Variants in MAMDC4 observed in about 807,000 individuals in gnomAD.
The protein encoded by MAMDC4 is apical endosomal glycoprotein.
A neutral mutation model predicts 153.3 loss-of-function variants in MAMDC4; 168 were observed. That is an observed-to-expected ratio of 1.10 (90% CI 0.97 to 1.25). The LOEUF (loss-of-function observed/expected upper bound fraction) is 1.25. Ranked by LOEUF, MAMDC4 falls within the 50% of genes most tolerant of loss-of-function variation. The pLI, the probability that MAMDC4 is intolerant of heterozygous loss-of-function variation, is 0.00. For missense variants in MAMDC4, 1,701 were observed against 1,542.8 expected (o/e 1.10, Z -1.72); for synonymous variants, 744 against 651.5 (o/e 1.14, Z -2.16).
chr9:136,852,590 C>G, intron 1 of MAMDC4, 128 bp downstream of exon 1: 1 of 1,217,302 alleles, frequency 8.2e-7, no homozygotes, highest in South Asian at 1.2e-5. Context: ...TTGCAAGGTA[C>G]TACCTTGGCC....
chr9:136,856,124 T>C lies in MAMDC4; in HGVS notation c.1695T>C (p.Ala565=), dbSNP rs985106328. The C allele has an allele frequency of 3.1e-6, 5 of 1,612,312 alleles. No individual in the cohort carries two copies. Among genetic ancestry groups the C allele is most frequent in the Non-Finnish European group, 4.2e-6 (5 of 1,179,760 alleles). Residue 565 remains alanine, a synonymous_variant, in exon 14 of 27, where the codon GCT becomes GCC. Transcript: ENST00000317446. ...PSGPSCELHL[A]YYLQSQPREV... is the part of the protein sequence containing the mutation. ...GCCCCAGCTGTGAACTCCACCTGGC[T>C]TATTATTTACAGAGCCAGCCCCGAG...
At position 136,855,023 on chromosome 9, in the gene MAMDC4, C is replaced by T. The variant is rs757538640; in HGVS notation, c.1110C>T (p.Ala370=). ...CTCTGGGGCCCGGCGCCCCCCGGGCCCCCGTCCTGCTGCGGAGGCGCCGAG... is the reference window on the plus strand; with the variant it reads ...CTCTGGGGCCCGGCGCCCCCCGGGCTCCCGTCCTGCTGCGGAGGCGCCGAG... ...LQTLGPGAPR[A]PVLLRRRRGE... The change falls in exon 10 of 27, where the codon GCC becomes GCT. Residue 370 remains alanine, a synonymous_variant. Coordinates refer to ENST00000317446, the MANE Select transcript of MAMDC4 (RefSeq NM_206920.3). The T allele has an allele frequency of 1.9e-6, 3 of 1,604,442 alleles. No homozygotes were observed. The highest frequency in any genetic ancestry group is 2.2e-5 in the South Asian group (2 of 90,454).
At chr9:136,857,631 G>A (rs769866906) in intron 18 of MAMDC4, 28 bp from the exon 19 acceptor site, 38 of 1,611,854 alleles carry the variant, frequency 2.4e-5, no homozygotes, top group African/African-American at 4.0e-5. Flanking sequence ...CTGGCCAGGG[G>A]CTGGCAGGCT....
Position 136,859,115 on chromosome 9 carries a change from A to T in MAMDC4, c.3067A>T (p.Ser1023Cys). ...GCTGGAGGCCCAGGTGGAGGTAGCC[A>T]GTGCCAAGGAGTTCCAGGTGAGGCT... ...QWLEAQVEVA[S>C]AKEFQIVFEA... is the part of the protein sequence containing the mutation. The change falls in exon 24 of 27, where the codon AGT becomes TGT. Residue 1023 changes from serine (S) to cysteine (C), a missense_variant. Physicochemically the swap from Ser to Cys is moderately radical, Grantham distance 112. Coordinates refer to ENST00000317446, the MANE Select transcript of MAMDC4 (RefSeq NM_206920.3). 1 of 1,554,666 alleles carries T rather than the reference A, an allele frequency of 6.4e-7. No homozygotes were observed. Among genetic ancestry groups the T allele is most frequent in the Non-Finnish European group, 8.7e-7 (1 of 1,149,582 alleles).
At position 136,853,878 on chromosome 9, in the gene MAMDC4, A is replaced by T; in HGVS notation, c.556A>T (p.Thr186Ser). 6.2e-7 allele frequency: 1 copy of T among 1,612,572 alleles called. No homozygotes were observed. The highest frequency in any genetic ancestry group is 8.5e-7 in the Non-Finnish European group (1 of 1,179,796). The change falls in exon 5 of 27, where the codon ACC becomes TCC. Residue 186 changes from threonine to serine, a missense_variant. By Grantham distance (58) the Thr-to-Ser change is moderately conservative. Coordinates refer to ENST00000317446, the MANE Select transcript of MAMDC4 (RefSeq NM_206920.3). ...CCCTGGCTGGCAGGAGTTGGCAGTG[A>T]CCACAGGCCGCATCCGGGGTGACTT... is the stretch of plus-strand genomic sequence containing the variant. ...WGPGWQELAV[T>S]TGRIRGDFRV...
chr9:136,858,570 G>A (rs1319270009), intron 22 of MAMDC4, 24 bp downstream of exon 22: 1 of 1,563,724 alleles, frequency 6.4e-7, no homozygotes, highest in South Asian at 1.2e-5. Flanking sequence ...GGAGCCAGGT[G>A]GGGAGGCACA....
At position 136,859,311 on chromosome 9, in the gene MAMDC4, A is replaced by G; in HGVS notation, c.3187A>G (p.Ser1063Gly). The G allele has an allele frequency of 1.2e-6, 2 of 1,609,788 alleles. No homozygotes were observed. The highest frequency in any genetic ancestry group is 8.5e-7 in the Non-Finnish European group (1 of 1,178,488). ...AGQHCQQPAP[S>G]PGNTAAPGSV... ...GCAGCATTGCCAGCAGCCTGCCCCCAGCCCGGGTGAGCCCTGGGCTGCAGT... is the reference window on the plus strand; with the variant it reads ...GCAGCATTGCCAGCAGCCTGCCCCCGGCCCGGGTGAGCCCTGGGCTGCAGT... The change falls in exon 25 of 27, where the codon AGC becomes GGC. Residue 1063 changes from serine (S) to glycine (G), a missense_variant. Transcript: ENST00000317446.
At position 136,858,172 on chromosome 9, in the gene MAMDC4, CCTGCA is replaced by C. The variant is rs756024770; in HGVS notation, c.2584-12_2584-8del. ...CCTGGACCCGCTGAGGCTGCCCTGC[CCTGCA>C]CCCGCCAGGTGGTGTTTGAGGCAGT... is the stretch of plus-strand genomic sequence containing the variant. On this transcript the variant is annotated splice_polypyrimidine_tract_variant and intron_variant, in intron 20 of 26. Coordinates refer to ENST00000317446, the MANE Select transcript of MAMDC4 (RefSeq NM_206920.3). 82 of 1,571,772 alleles carry C rather than the reference CCTGCA, an allele frequency of 5.2e-5. No homozygotes were observed. The East Asian group carries it at 1.4e-3, about 26-fold the overall frequency.
rs1039865846 is a variant in MAMDC4, at chr9:136,859,025, C to T, written c.2977C>T (p.Leu993=). 1 of 1,547,160 alleles carries T rather than the reference C, an allele frequency of 6.5e-7. No homozygotes were observed. Among genetic ancestry groups the T allele is most frequent in the African/African-American group, 1.4e-5 (1 of 73,676 alleles). The change falls in exon 24 of 27, where the codon CTG becomes TTG. Residue 993 remains leucine, a synonymous_variant. Transcript: ENST00000317446. ...CTCAGACAAGGGGGAGCTGAAGGTA[C>T]TGCTGCACAGTGCTCAGGGCCAGCT... ...EHFYKGELKV[L]LHSAQGQLAV...
Position 136,854,850 on chromosome 9 carries a change from G to A in MAMDC4, c.1023G>A (p.Ser341=), listed in dbSNP as rs144997410. The A allele has an allele frequency of 6.3e-5, 102 of 1,612,608 alleles. 1 individual carries two copies. Among genetic ancestry groups the A allele is most frequent in the East Asian group, 2.5e-4 (11 of 44,878 alleles). The change falls in exon 9 of 27, where the codon TCG becomes TCA. Residue 341 remains serine (S), a splice_region_variant and synonymous_variant. Coordinates refer to ENST00000317446, the MANE Select transcript of MAMDC4 (RefSeq NM_206920.3). ...AAGCCTCAGGCACCTCCAACTGCTC[G>A]GTGAGATGGGTGGGGCTCACAGGGC... ...EFQASGTSNC[S]LVFYQYLSGS... is the part of the protein sequence containing the mutation.
At chr9:136,853,730 TG>T (rs775032105) in intron 4 of MAMDC4, 46 bp from the exon 5 acceptor site, 2 of 1,605,574 alleles carry the variant, frequency 1.2e-6, no homozygotes, top group South Asian at 2.2e-5. Flanking sequence ...GGTGGGCAGC[TG>T]GGGACAAGCA....
rs762276881 is a variant in MAMDC4 at position 136,860,598 on chromosome 9, C to A, written c.3409C>A (p.Pro1137Thr). The A allele has an allele frequency of 1.9e-6, 3 of 1,613,174 alleles. No homozygotes were observed. Among genetic ancestry groups the A allele is most frequent in the Admixed American group, 1.7e-5 (1 of 59,994 alleles). Residue 1137 changes from proline (P) to threonine (T), a missense_variant, in exon 27 of 27, where the codon CCG becomes ACG. By Grantham distance (38) the Pro-to-Thr change is conservative. Coordinates refer to ENST00000317446, the MANE Select transcript of MAMDC4 (RefSeq NM_206920.3). ...CCTCCCGGCATCTGTCACCAGTGAT[C>A]CGTAGACCACCCCAGACAAGGCCCC... ...VTLPASVTSD[P>T]
At chr9:136,860,428 G>A in intron 26 of MAMDC4, 134 bp from the exon 27 acceptor site, 2 of 935,110 alleles carry the variant, frequency 2.1e-6, no homozygotes, top group Non-Finnish European at 3.2e-6. Flanking sequence ...GGCTGAGGCA[G>A]GAGAATCGCT....
At position 136,856,826 on chromosome 9, in the gene MAMDC4, G is replaced by T; in HGVS notation, c.1837G>T (p.Gly613Cys). Residue 613 changes from glycine (G) to cysteine (C), a missense_variant and splice_region_variant, in exon 15 of 27, where the codon GGC becomes TGC. Physicochemically the swap from Gly to Cys is radical, Grantham distance 159. Coordinates refer to ENST00000317446, the MANE Select transcript of MAMDC4 (RefSeq NM_206920.3). The part of the protein sequence containing the change: ...GPDHDHTTGQ[G>C]HFVLLDPTDP... ...TGACCACGACCACACCACAGGCCAAGGTAGGATGGGCGCTCAGACCGGGGG... is the reference window on the plus strand; with the variant it reads ...TGACCACGACCACACCACAGGCCAATGTAGGATGGGCGCTCAGACCGGGGG... 6.2e-7 allele frequency: 1 copy of T among 1,612,434 alleles called. No homozygotes were observed. The highest frequency in any genetic ancestry group is 1.7e-5 in the Admixed American group (1 of 59,932).
Position 136,858,073 on chromosome 9 carries a change from C to T in MAMDC4, c.2559C>T (p.Asp853=), listed in dbSNP as rs758013618. Residue 853 remains aspartate, a synonymous_variant, in exon 20 of 27, where the codon GAC becomes GAT. Coordinates refer to ENST00000317446, the MANE Select transcript of MAMDC4 (RefSeq NM_206920.3). ...TTGCCTGGCGCCTGGGCAGCATGGA[C>T]GTGCAGGCCGAGCGAGCCTGGAGGG... ...GGLAWRLGSM[D]VQAERAWRVV... is the part of the protein sequence containing the mutation. The T allele has an allele frequency of 1.4e-5, 22 of 1,531,270 alleles. No individual in the cohort carries two copies. Among genetic ancestry groups the T allele is most frequent in the South Asian group, 4.8e-5 (4 of 83,526 alleles). The allele number at this position is 1,531,270 out of a possible 1,614,324, so 94.9% of individuals were successfully genotyped here. A position where few individuals can be genotyped will look rare whatever the true frequency, so the allele number is the denominator to read the frequency against.
At position 136,853,579 on chromosome 9, in the gene MAMDC4, A is replaced by G. The variant is rs1848959133; in HGVS notation, c.363A>G (p.Lys121=). Residue 121 remains lysine, a synonymous_variant, in exon 4 of 27, where the codon AAA becomes AAG. Transcript: ENST00000317446. Reference sequence around the variant, plus strand: ...TGGCCGTTGGAACCCACCGAGGGAAAGAGGCATCCACCGCAGCCCTGCGCT... The same window carrying G: ...TGGCCGTTGGAACCCACCGAGGGAAGGAGGCATCCACCGCAGCCCTGCGCT... ...WYMAVGTHRG[K]EASTAALRSP... is the part of the protein sequence containing the mutation. 2 of 1,612,538 alleles carry G rather than the reference A, an allele frequency of 1.2e-6. No individual in the cohort carries two copies. The highest frequency in any genetic ancestry group is 4.5e-5 in the East Asian group (2 of 44,862).
Position 136,858,708 on chromosome 9 carries a change from CTT to C in MAMDC4, c.2822-10_2822-9del, listed in dbSNP as rs1320612109. The C allele has an allele frequency of 1.2e-6, 2 of 1,612,080 alleles. No individual in the cohort carries two copies. The highest frequency in any genetic ancestry group is 8.5e-7 in the Non-Finnish European group (1 of 1,179,726). On this transcript the variant is annotated splice_polypyrimidine_tract_variant and intron_variant, in intron 22 of 26. Transcript: ENST00000317446. ...CCCATCAGCTGGGCATCAGCCTCCT[CTT>C]GTTCCCAGGCCACTTTGCCTTCTTT...
At chr9:136,859,674 T>A in intron 25 of MAMDC4, 2 of 609,708 alleles carry the variant, frequency 3.3e-6, no homozygotes, top group Non-Finnish European at 5.7e-6. Flanking sequence ...GAATCTCGCC[T>A]GGGGCCATGA....
chr9:136,857,868 T>C (rs1588394199), intron 19 of MAMDC4, 72 bp downstream of exon 19: 2 of 1,539,688 alleles, frequency 1.3e-6, no homozygotes, highest in East Asian at 2.3e-5. Context: ...AGCCTTGTGC[T>C]GAGGCCACTG....
Sources: gnomAD v4.1 joint callset for allele counts on GRCh38, gnomAD v4.1.1 for gene constraint, MANE v1.5 for transcripts, NCBI Gene and HGNC (gene_info 2026-07-23, HGNC 2026-07-21) for gene names.